Variants in ANK3 observed in about 807,000 individuals in gnomAD.
The protein encoded by ANK3 is ankyrin 3, also known as ankyrin-3.
A neutral mutation model predicts 370.9 loss-of-function variants in ANK3; 57 were observed. The observed-to-expected ratio is 0.15, with a 90% CI of 0.12 to 0.19. The LOEUF is 0.19. Ranked by LOEUF, ANK3 falls within the 10% of genes least tolerant of loss-of-function variation. ANK3 has a pLI of 1.00. For synonymous variants in ANK3, 1,929 were observed against 1,946.3 expected, an observed-to-expected ratio of 0.99 and a Z score of 0.23; for missense variants, 4,439 against 5,302.1, an observed-to-expected ratio of 0.84 and a Z score of 5.06.
chr10:60,200,742 A>T (rs770631997), intron 12 of ANK3, among the ~76,000 whole-genome samples: 1 of 152,204 alleles, frequency 6.6e-6, no homozygotes, highest in Non-Finnish European at 1.5e-5. Flanking sequence ...TTAAATATTG[A>T]CCATAAATTC....
At chr10:60,599,636 A>G (rs1221084139) in intron 2 of ANK3, among the ~76,000 whole-genome samples, 4 of 152,152 alleles carry the variant, frequency 2.6e-5, no homozygotes, top group South Asian at 4.2e-4. Context: ...CCCATCATCT[A>G]TCTCTCACAA....
intron 18 of ANK3, 133 bp from the exon 19 acceptor site, chr10:60,173,319 T>C: frequency 1.5e-6 from 1 of 649,254 alleles, no homozygotes; most frequent in Non-Finnish European, 2.5e-6. Context: ...CTTCTCTATA[T>C]TAAAAAAATT....
intron 2 of ANK3, among the ~76,000 whole-genome samples, chr10:60,406,651 G>T (rs867912338): frequency 6.6e-6 from 1 of 152,156 alleles, no homozygotes; most frequent in African/African-American, 2.4e-5. Flanking sequence ...CACAGCCCGG[G>T]GGCTGAGGGC....
chr10:60,703,061 A>G (rs1026286704), intron 1 of ANK3, among the ~76,000 whole-genome samples: 1 of 152,150 alleles, frequency 6.6e-6, no homozygotes, highest in African/African-American at 2.4e-5. Flanking sequence ...GCAGAAACCC[A>G]CAGATTAAAG....
At chr10:60,185,010 C>A (rs953552980) in intron 17 of ANK3, among the ~76,000 whole-genome samples, 1 of 152,096 alleles carries the variant, frequency 6.6e-6, no homozygotes, top group Non-Finnish European at 1.5e-5. Context: ...CAATTCTGGT[C>A]TCTAAATTGG....
chr10:60,601,406 G>A (rs1163949262), intron 2 of ANK3, among the ~76,000 whole-genome samples: 6 of 152,112 alleles, frequency 3.9e-5, no homozygotes, highest in African/African-American at 1.4e-4. Flanking sequence ...CACGATGACA[G>A]CAGATAATCT....
chr10:60,249,277 T>C (rs1438423794), intron 7 of ANK3, among the ~76,000 whole-genome samples: 1 of 152,222 alleles, frequency 6.6e-6, no homozygotes, highest in Non-Finnish European at 1.5e-5. Flanking sequence ...AATATGTTGA[T>C]CTAATGATAT....
chr10:60,660,122 C>T (rs1386999508), intron 1 of ANK3, among the ~76,000 whole-genome samples: 2 of 152,146 alleles, frequency 1.3e-5, no homozygotes, highest in Non-Finnish European at 2.9e-5. Context: ...CTTGTGGCAC[C>T]TGTTTTTCTG....
intron 27 of ANK3, among the ~76,000 whole-genome samples, chr10:60,106,297 A>T (rs1003349465): frequency 6.6e-6 from 1 of 152,128 alleles, no homozygotes; most frequent in African/African-American, 2.4e-5. Flanking sequence ...TAGGCATAGG[A>T]TTTAATGGGG....
At chr10:60,705,864 C>T (rs1308018974) in intron 1 of ANK3, among the ~76,000 whole-genome samples, 1 of 146,752 alleles carries the variant, frequency 6.8e-6, no homozygotes, top group Non-Finnish European at 1.5e-5. Flanking sequence ...TTCACTGTCA[C>T]CTCCATTGAG....
At chr10:60,539,438 T>C (rs2076796599) in intron 2 of ANK3, among the ~76,000 whole-genome samples, 1 of 151,924 alleles carries the variant, frequency 6.6e-6, no homozygotes, top group South Asian at 2.1e-4. Flanking sequence ...AGACATGAGT[T>C]CTAGAATGAG....
chr10:60,319,326 T>C (rs915998378), intron 1 of ANK3, among the ~76,000 whole-genome samples: 1 of 152,140 alleles, frequency 6.6e-6, no homozygotes, highest in African/African-American at 2.4e-5. Flanking sequence ...AGGAAACCAA[T>C]GCTCATAGAG....
chr10:60,166,445 T>C (rs1395721710), intron 23 of ANK3, 146 bp downstream of exon 23: 7 of 654,750 alleles, frequency 1.1e-5, no homozygotes, highest in Non-Finnish European at 1.9e-5. Context: ...GTACCAGATA[T>C]ACATTATTTA....
chr10:60,323,499 A>G (rs1207736161), intron 1 of ANK3, among the ~76,000 whole-genome samples: 2 of 152,196 alleles, frequency 1.3e-5, no homozygotes, highest in Non-Finnish European at 2.9e-5. Flanking sequence ...TTATCCCGAC[A>G]TGTGGGTGGT....
intron 2 of ANK3, among the ~76,000 whole-genome samples, chr10:60,461,119 C>G (rs2064873379): frequency 6.6e-6 from 1 of 152,136 alleles, no homozygotes; most frequent in African/African-American, 2.4e-5. Flanking sequence ...ATCATATGCT[C>G]TCTCTCAGCA....
intron 2 of ANK3, among the ~76,000 whole-genome samples, chr10:60,457,544 G>A (rs1351781134): frequency 6.6e-6 from 1 of 152,056 alleles, no homozygotes; most frequent in African/African-American, 2.4e-5. Flanking sequence ...GGTCTCTGTT[G>A]TGTTAATGGA....
intron 2 of ANK3, among the ~76,000 whole-genome samples, chr10:60,573,601 TATTTC>T (rs2077644460): frequency 6.6e-6 from 1 of 152,152 alleles, no homozygotes; most frequent in African/African-American, 2.4e-5. Context: ...GTGTCTGGGG[TATTTC>T]ACACCTGGGT....
chr10:60,566,393 A>AG (rs1483462101), intron 2 of ANK3, among the ~76,000 whole-genome samples: 2 of 152,236 alleles, frequency 1.3e-5, no homozygotes, highest in African/African-American at 4.8e-5. Flanking sequence ...CTTAGTGAGG[A>AG]AGGCATGCTA....
rs188126929 is a variant in ANK3 at position 60,726,496 on chromosome 10, T to C, written c.57+6767A>G. On this transcript the variant is annotated intron_variant, in intron 1 of 43. Coordinates refer to the ANK3 transcript ENST00000373827. ...GCTCTATGTGCATTAGTTATAATCC[T>C]TATACAAATATTGTAAAGGAGCTGC... Among the ~76,000 whole-genome samples the C allele has an allele frequency of 7.9e-5, 12 of 152,308 alleles. No individual in the cohort carries two copies. In the East Asian group the frequency reaches 2.3e-3, roughly 29 times the overall value.
Sources: allele counts gnomAD v4.1 joint callset (sites outside exome capture counted in the v4.1 genomes callset), GRCh38; gene constraint gnomAD v4.1.1; transcripts MANE v1.5; gene names NCBI Gene and HGNC (gene_info 2026-07-23, HGNC 2026-07-21).